The following STAG2 variants were observed in gnomAD, a reference collection of about 807,000 sequenced individuals.
STAG2 encodes the protein STAG2 cohesin complex component.
Under a neutral mutation model 108.1 loss-of-function variants are expected in STAG2, and 14 were observed. The observed-to-expected ratio is 0.13, with a 90% CI of 0.09 to 0.20. The LOEUF (loss-of-function observed/expected upper bound fraction) is 0.20. Ranked by LOEUF, STAG2 falls within the 10% of genes least tolerant of loss-of-function variation. STAG2 has a pLI of 1.00. For missense variants in STAG2, 440 were observed against 940.9 expected (o/e 0.47, Z 6.96); for synonymous variants, 307 against 302.7 (o/e 1.01, Z -0.15).
chrX:124,046,497 A>C (rs1422114777), intron 8 of STAG2, among the ~76,000 whole-genome samples: 1 of 112,126 alleles, frequency 8.9e-6, no homozygotes, highest in African/African-American at 3.2e-5. Flanking sequence ...AACTTAGAGC[A>C]GAAAATTGGG....
chrX:123,989,647 C>T (rs1207064119), intron 1 of STAG2, among the ~76,000 whole-genome samples: 1 of 104,755 alleles, frequency 9.5e-6, no homozygotes, highest in Non-Finnish European at 2.0e-5. Flanking sequence ...CTCTGTTGCC[C>T]AGGCTGGAGT....
chrX:124,000,519 C>CA (rs1347595906), intron 1 of STAG2, among the ~76,000 whole-genome samples: 1 of 109,337 alleles, frequency 9.1e-6, no homozygotes, highest in African/African-American at 3.3e-5. Flanking sequence ...GAAAAATACC[C>CA]AAAAAAATTA....
intron 1 of STAG2, among the ~76,000 whole-genome samples, chrX:123,971,314 A>T (rs1361656921): frequency 1.8e-5 from 2 of 111,669 alleles, no homozygotes; most frequent in African/African-American, 6.5e-5. Context: ...CTGTAATCCC[A>T]GCTTCTTGGG....
Position 124,081,387 on chromosome X carries a change from A to T in STAG2, c.2783A>T (p.Asn928Ile), listed in dbSNP as rs2058959029. The T allele has an allele frequency of 1.7e-6, 2 of 1,149,291 alleles. No individual in the cohort carries two copies. Among genetic ancestry groups the T allele is most frequent in the African/African-American group, 3.6e-5 (2 of 54,841 alleles). The allele number at this position is 1,149,291 out of a possible 1,213,427, so 94.7% of individuals were successfully genotyped here. A position where few individuals can be genotyped will look rare whatever the true frequency, so the allele number is the denominator to read the frequency against. Reference protein sequence around the residue: ...TLILSLQQLFNEMIQENGYNF... With the variant: ...TLILSLQQLFIEMIQENGYNF... ...TTCTTTCTTTCCAAACAGCTTTTTA[A>T]TGAAATGATACAAGAAAATGGCTAT... The change falls in exon 28 of 35, where the codon AAT becomes ATT. Residue 928 changes from asparagine (N) to isoleucine (I), a missense_variant. Transcript: ENST00000371145.
intron 25 of STAG2, among the ~76,000 whole-genome samples, chrX:124,074,898 G>A (rs1224106155): frequency 8.9e-6 from 1 of 112,193 alleles, no homozygotes; most frequent in African/African-American, 3.2e-5. Context: ...ACAATGTCAT[G>A]TAGAAATTGT....
At chrX:123,964,263 A>AG (rs2053997435) in intron 1 of STAG2, among the ~76,000 whole-genome samples, 2 of 111,339 alleles carry the variant, frequency 1.8e-5, no homozygotes, top group African/African-American at 6.5e-5. Flanking sequence ...AAAAAAAAAA[A>AG]CGTTTAAACG....
chrX:123,967,554 C>T (rs989142817), intron 1 of STAG2, among the ~76,000 whole-genome samples: 13 of 111,625 alleles, frequency 1.2e-4, no homozygotes, highest in African/African-American at 4.2e-4. Flanking sequence ...GCGTGAGCCA[C>T]TGCGCCCAGC....
intron 6 of STAG2, among the ~76,000 whole-genome samples, chrX:124,040,218 C>A (rs1190883540): frequency 1.8e-5 from 2 of 111,646 alleles, no homozygotes; most frequent in East Asian, 5.6e-4. Context: ...TTCTACAATA[C>A]ATTGATGGCT....
At chrX:123,967,115 C>T (rs1415662253) in intron 1 of STAG2, among the ~76,000 whole-genome samples, 1 of 110,696 alleles carries the variant, frequency 9.0e-6, no homozygotes, top group Admixed American at 9.7e-5. Flanking sequence ...AAACTCCTGA[C>T]CTCAGGTGAT....
chrX:124,085,474 G>T (rs2059076495), intron 29 of STAG2, among the ~76,000 whole-genome samples: 1 of 111,212 alleles, frequency 9.0e-6, no homozygotes, highest in African/African-American at 3.3e-5. Flanking sequence ...ATATATGACT[G>T]AAGTGTATTG....
intron 9 of STAG2, among the ~76,000 whole-genome samples, chrX:124,047,826 T>TTAAAATCACTTTGGAAAA (rs2057918899): frequency 8.9e-6 from 1 of 111,911 alleles, no homozygotes; most frequent in Non-Finnish European, 1.9e-5. Flanking sequence ...GATTTCACAA[T>TTAAAATCACTTTGGAAAA]TAAAATCACT....
intron 4 of STAG2, among the ~76,000 whole-genome samples, chrX:124,028,806 A>G (rs1444964139): frequency 2.3e-5 from 2 of 85,943 alleles, no homozygotes; most frequent in East Asian, 3.5e-4. Context: ...ATATATATAT[A>G]TATATATATA....
chrX:123,996,310 T>C (rs1431340327), intron 1 of STAG2, among the ~76,000 whole-genome samples: 2 of 112,266 alleles, frequency 1.8e-5, no homozygotes, highest in African/African-American at 6.5e-5. Context: ...GAGGTTCCAA[T>C]GTAGATGTTG....
chrX:124,039,219 G>C (rs766764112), intron 6 of STAG2, among the ~76,000 whole-genome samples: 1 of 108,061 alleles, frequency 9.3e-6, no homozygotes, highest in Non-Finnish European at 1.9e-5. Flanking sequence ...GTAGTGTCGT[G>C]ATCATGGCTC....
chrX:123,972,233 C>G (rs1304455870), intron 1 of STAG2, among the ~76,000 whole-genome samples: 1 of 108,252 alleles, frequency 9.2e-6, no homozygotes, highest in Non-Finnish European at 1.9e-5. Context: ...TTTTTTTTCC[C>G]TCTAGCTAGT....
chrX:124,074,269 CTACAAT>C (rs1448671733), intron 25 of STAG2, among the ~76,000 whole-genome samples: 1 of 112,207 alleles, frequency 8.9e-6, no homozygotes, highest in Non-Finnish European at 1.9e-5. Context: ...TGACATGTGG[CTACAAT>C]TCATTTATTC....
chrX:124,018,399 T>A (rs1214354805), intron 1 of STAG2, among the ~76,000 whole-genome samples: 3 of 111,845 alleles, frequency 2.7e-5, no homozygotes, highest in African/African-American at 9.8e-5. Flanking sequence ...TTAAGCACAT[T>A]TGAAGATACT....
intron 1 of STAG2, among the ~76,000 whole-genome samples, chrX:124,005,344 CAT>C (rs949008779): frequency 2.7e-5 from 3 of 111,447 alleles, no homozygotes; most frequent in Admixed American, 9.6e-5. Flanking sequence ...GCAGTTTTAT[CAT>C]GTGTGGATAG....
intron 5 of STAG2, among the ~76,000 whole-genome samples, chrX:124,036,040 G>C: frequency 8.9e-6 from 1 of 112,211 alleles, no homozygotes; most frequent in East Asian, 2.8e-4. Flanking sequence ...AAAATACTGA[G>C]CACATTTCTT....
Sources: allele counts gnomAD v4.1 joint callset (sites outside exome capture counted in the v4.1 genomes callset), GRCh38; gene constraint gnomAD v4.1.1; transcripts MANE v1.5; gene names NCBI Gene and HGNC (gene_info 2026-07-23, HGNC 2026-07-21).